The following PPP3CA variants were observed in gnomAD, a reference collection of about 807,000 sequenced individuals.
The protein encoded by PPP3CA is protein phosphatase 3 catalytic subunit alpha.
A neutral mutation model predicts 66.5 loss-of-function variants in PPP3CA; 14 were observed. That is an observed-to-expected ratio of 0.21 (90% confidence interval 0.14 to 0.33). The LOEUF (loss-of-function observed/expected upper bound fraction) is 0.33. Ranked by LOEUF, PPP3CA falls within the 10% of genes least tolerant of loss-of-function variation. The pLI is 1.00. For missense variants in PPP3CA, 317 were observed against 639.5 expected (o/e 0.50, Z 5.44); for synonymous variants, 232 against 226.2 (o/e 1.03, Z -0.23).
chr4:101,324,708 C>T (rs533144933), intron 1 of PPP3CA, among the ~76,000 whole-genome samples: 2 of 151,194 alleles, frequency 1.3e-5, no homozygotes, highest in Admixed American at 1.3e-4. Flanking sequence ...AAAAAAAAGA[C>T]AATAAACTTT....
rs564303686 is a variant in PPP3CA, at chr4:101,100,270, G to A, written c.385-548C>T. Among the ~76,000 whole-genome samples the A allele has an allele frequency of 2.5e-3, 384 of 152,074 alleles. 3 individuals are homozygous for A. The highest frequency in any genetic ancestry group is 8.6e-3 in the African/African-American group (358 of 41,500). ...GGGAAAAGTAATAGAAAATACAGAC[G>A]CAGTTCAAGTTAGGCTGAGCTTGTC... On this transcript the variant is annotated intron_variant, in intron 3 of 13. Coordinates refer to ENST00000394854, the MANE Select transcript of PPP3CA (RefSeq NM_000944.5).
At chr4:101,140,413 C>T (rs2110290848) in intron 2 of PPP3CA, among the ~76,000 whole-genome samples, 1 of 152,300 alleles carries the variant, frequency 6.6e-6, no homozygotes, top group South Asian at 2.1e-4. Flanking sequence ...AAACACTGGG[C>T]CCTGTAATGA....
intron 2 of PPP3CA, among the ~76,000 whole-genome samples, chr4:101,116,249 A>G (rs1721835459): frequency 6.6e-6 from 1 of 151,920 alleles, no homozygotes; most frequent in Admixed American, 6.6e-5. Context: ...TCACCATTGG[A>G]GTTCCTCACT....
At chr4:101,048,048 A>G (rs1727845659) in intron 10 of PPP3CA, among the ~76,000 whole-genome samples, 1 of 152,102 alleles carries the variant, frequency 6.6e-6, no homozygotes, top group Non-Finnish European at 1.5e-5. Context: ...CTTCCTAGAC[A>G]CTAAGTTTTC....
At chr4:101,303,860 CTGT>C (rs1480955556) in intron 1 of PPP3CA, among the ~76,000 whole-genome samples, 2 of 152,150 alleles carry the variant, frequency 1.3e-5, no homozygotes, top group African/African-American at 4.8e-5. Context: ...TGACATCTTA[CTGT>C]TTTTGTTTGT....
intron 2 of PPP3CA, among the ~76,000 whole-genome samples, chr4:101,151,558 CAA>C (rs139727679): frequency 3.2e-4 from 24 of 74,230 alleles, no homozygotes; most frequent in East Asian, 9.5e-4. Context: ...GACTCTGTAT[CAA>C]AAAAAAAAAA....
chr4:101,211,826 C>G (rs761147333), intron 1 of PPP3CA, among the ~76,000 whole-genome samples: 10 of 152,152 alleles, frequency 6.6e-5, no homozygotes, highest in Non-Finnish European at 1.0e-4. Context: ...CAACACAGAG[C>G]AGAAACTGAG....
intron 2 of PPP3CA, among the ~76,000 whole-genome samples, chr4:101,156,670 CA>C (rs548724110): frequency 8.6e-5 from 10 of 115,900 alleles, no homozygotes; most frequent in African/African-American, 1.6e-4. Context: ...AACTGTGTCT[CA>C]AAAAAAAAAG....
intron 1 of PPP3CA, among the ~76,000 whole-genome samples, chr4:101,343,387 A>T (rs1729877736): frequency 6.6e-6 from 1 of 152,184 alleles, no homozygotes; most frequent in Admixed American, 6.5e-5. Context: ...AATGAAGAAA[A>T]GCCAAAGTTT....
At chr4:101,269,592 G>A (rs1727272608) in intron 1 of PPP3CA, among the ~76,000 whole-genome samples, 1 of 146,690 alleles carries the variant, frequency 6.8e-6, no homozygotes, top group African/African-American at 2.6e-5. Context: ...GTGTGTGTGT[G>A]TGTGTGTGTT....
intron 2 of PPP3CA, among the ~76,000 whole-genome samples, chr4:101,151,514 GC>G (rs1045548341): frequency 6.9e-6 from 1 of 145,824 alleles, no homozygotes; most frequent in African/African-American, 2.5e-5. Flanking sequence ...AGCTGAGATT[GC>G]ACCACTGCAC....
chr4:101,181,790 A>T (rs1305686287), intron 2 of PPP3CA, among the ~76,000 whole-genome samples: 1 of 152,154 alleles, frequency 6.6e-6, no homozygotes, highest in Non-Finnish European at 1.5e-5. Flanking sequence ...ACATCTTTAG[A>T]TAAGAAATTA....
intron 1 of PPP3CA, among the ~76,000 whole-genome samples, chr4:101,322,725 G>C (rs1375791067): frequency 6.6e-6 from 1 of 152,000 alleles, no homozygotes; most frequent in Admixed American, 6.6e-5. Context: ...CTTACATCTT[G>C]ATCTAAAGAT....
intron 1 of PPP3CA, among the ~76,000 whole-genome samples, chr4:101,322,245 T>G (rs1001421844): frequency 7.9e-5 from 12 of 152,060 alleles, no homozygotes. Context: ...ATTCATATGG[T>G]GAAATCCTAA....
intron 1 of PPP3CA, among the ~76,000 whole-genome samples, chr4:101,243,480 GAAA>G (rs1283233580): frequency 1.3e-5 from 2 of 151,494 alleles, no homozygotes; most frequent in African/African-American, 4.9e-5. Flanking sequence ...TATACATAGG[GAAA>G]AAAAACAGCA....
chr4:101,243,179 C>T (rs1475033749), intron 1 of PPP3CA, among the ~76,000 whole-genome samples: 1 of 152,192 alleles, frequency 6.6e-6, no homozygotes, highest in Non-Finnish European at 1.5e-5. Context: ...TGCTCAGCTT[C>T]CTCAAACTGC....
intron 1 of PPP3CA, among the ~76,000 whole-genome samples, chr4:101,329,441 G>A (rs934458874): frequency 5.9e-5 from 9 of 152,142 alleles, no homozygotes; most frequent in African/African-American, 9.7e-5. Flanking sequence ...GCAAAGTGAA[G>A]CAGCAAATTT....
intron 1 of PPP3CA, among the ~76,000 whole-genome samples, chr4:101,238,902 C>G (rs994338894): frequency 1.3e-5 from 2 of 152,068 alleles, no homozygotes; most frequent in African/African-American, 4.8e-5. Context: ...TTTGATGACT[C>G]ATAATTATTT....
chr4:101,198,270 T>A (rs976993221), intron 1 of PPP3CA, among the ~76,000 whole-genome samples: 105 of 152,188 alleles, frequency 6.9e-4, no homozygotes, highest in African/African-American at 2.5e-3. Flanking sequence ...AACATGTAGA[T>A]GTTTTTCAAC....
Sources: gnomAD v4.1 joint callset for allele counts (sites outside exome capture counted in the v4.1 genomes callset) on GRCh38, gnomAD v4.1.1 for gene constraint, MANE v1.5 for transcripts, NCBI Gene and HGNC (gene_info 2026-07-23, HGNC 2026-07-21) for gene names.